Variants in RANBP17 observed in about 807,000 individuals in gnomAD.
RANBP17 encodes ran-binding protein 17.
RANBP17 carries 158 observed loss-of-function variants against 141.2 expected under a neutral mutation model. The ratio of observed to expected loss-of-function variants is 1.12; its 90% confidence interval spans 0.98 to 1.28. RANBP17 has a LOEUF of 1.28. RANBP17 is among the 50% of genes most tolerant of loss of function. The probability of loss-of-function intolerance (pLI) is 0.00; values close to 1 mark genes in which losing one functional copy is unlikely to be tolerated. For synonymous variants in RANBP17, 430 were observed against 450.0 expected, an observed-to-expected ratio of 0.96 and a Z score of 0.56; for missense variants, 1,438 against 1,290.7, an observed-to-expected ratio of 1.11 and a Z score of -1.75.
chr5:170,963,668 G>C (rs1387997528), intron 13 of RANBP17, among the ~76,000 whole-genome samples: 1 of 152,204 alleles, frequency 6.6e-6, no homozygotes, highest in African/African-American at 2.4e-5. Context: ...ACTCCTGTGA[G>C]AATCTAGTGC....
intron 22 of RANBP17, among the ~76,000 whole-genome samples, chr5:171,238,482 A>G (rs1764680058): frequency 6.6e-6 from 1 of 152,170 alleles, no homozygotes. Context: ...TACAGAATAT[A>G]GGACCTTTCC....
intron 24 of RANBP17, among the ~76,000 whole-genome samples, chr5:171,265,302 A>C (rs1023435894): frequency 6.6e-6 from 1 of 152,214 alleles, no homozygotes; most frequent in Non-Finnish European, 1.5e-5. Flanking sequence ...TGGGAGGCCA[A>C]GGCGGGTGAA....
chr5:171,091,983 C>T (rs80338974), intron 14 of RANBP17, among the ~76,000 whole-genome samples: 7,024 of 152,178 alleles, frequency 0.046, 205 homozygotes, highest in East Asian at 0.12. Flanking sequence ...GGAATATGCA[C>T]GGATTTTGGT....
chr5:171,180,398 T>C (rs1018516100), intron 16 of RANBP17, among the ~76,000 whole-genome samples: 3 of 152,230 alleles, frequency 2.0e-5, no homozygotes, highest in African/African-American at 7.2e-5. Context: ...TTAATGTTAC[T>C]CTCAAGACTT....
intron 14 of RANBP17, among the ~76,000 whole-genome samples, chr5:171,103,275 C>T (rs1787302834): frequency 6.6e-6 from 1 of 152,166 alleles, no homozygotes; most frequent in Non-Finnish European, 1.5e-5. Context: ...GGGGCTGCTG[C>T]CCTTCTTTTA....
At chr5:171,036,909 T>C (rs763961310) in intron 14 of RANBP17, among the ~76,000 whole-genome samples, 2 of 152,156 alleles carry the variant, frequency 1.3e-5, no homozygotes, top group Non-Finnish European at 2.9e-5. Context: ...TATGAGTACA[T>C]GTGTTTTTTT....
intron 13 of RANBP17, among the ~76,000 whole-genome samples, chr5:170,960,444 G>C (rs1254868789): frequency 2.6e-5 from 4 of 152,020 alleles, no homozygotes; most frequent in African/African-American, 9.7e-5. Context: ...CCTAACCCTG[G>C]CTCTCTTCAC....
intron 3 of RANBP17, among the ~76,000 whole-genome samples, chr5:170,884,069 A>G (rs1267714214): frequency 2.0e-5 from 3 of 152,222 alleles, no homozygotes; most frequent in Admixed American, 6.5e-5. Context: ...CATTCCCACC[A>G]GCCATGAGTG....
chr5:171,177,349 C>T (rs1006721508), intron 16 of RANBP17, among the ~76,000 whole-genome samples: 3 of 152,104 alleles, frequency 2.0e-5, no homozygotes, highest in African/African-American at 4.8e-5. Flanking sequence ...TTGATCTGAT[C>T]ATTTCTCTTC....
At chr5:171,110,384 A>G (rs1175765486) in intron 14 of RANBP17, among the ~76,000 whole-genome samples, 1 of 152,190 alleles carries the variant, frequency 6.6e-6, no homozygotes, top group Non-Finnish European at 1.5e-5. Flanking sequence ...TCTTCTGAGC[A>G]TAGCCCTTCT....
intron 14 of RANBP17, among the ~76,000 whole-genome samples, chr5:171,061,462 T>C (rs1783843589): frequency 6.6e-6 from 1 of 152,126 alleles, no homozygotes; most frequent in Admixed American, 6.6e-5. Context: ...TTCCATGTAG[T>C]TGAGCGGTTT....
intron 14 of RANBP17, among the ~76,000 whole-genome samples, chr5:170,973,094 C>T (rs576292161): frequency 2.0e-5 from 3 of 152,156 alleles, no homozygotes; most frequent in East Asian, 3.9e-4. Flanking sequence ...TGATAAGTAA[C>T]CACTATGTAT....
intron 14 of RANBP17, among the ~76,000 whole-genome samples, chr5:171,040,946 G>A (rs1782208623): frequency 6.6e-6 from 1 of 152,148 alleles, no homozygotes; most frequent in African/African-American, 2.4e-5. Context: ...TCTCACTTAA[G>A]GTCTTTTATG....
At chr5:171,088,935 G>C (rs1407784557) in intron 14 of RANBP17, among the ~76,000 whole-genome samples, 1 of 151,778 alleles carries the variant, frequency 6.6e-6, no homozygotes, top group East Asian at 1.9e-4. Flanking sequence ...AGAGTAATTT[G>C]ATCGTCTGAA....
At chr5:171,270,858 G>A (rs565907481) in intron 25 of RANBP17, among the ~76,000 whole-genome samples, 14 of 152,000 alleles carry the variant, frequency 9.2e-5, no homozygotes, top group Middle Eastern at 3.4e-3. Flanking sequence ...GAACTATTAC[G>A]CAATTAATTT....
chr5:171,066,816 T>A (rs1006855590), intron 14 of RANBP17, among the ~76,000 whole-genome samples: 15 of 152,112 alleles, frequency 9.9e-5, no homozygotes, highest in Non-Finnish European at 2.1e-4. Context: ...AGATCTTTTT[T>A]AAAAAAAGTT....
chr5:171,009,592 T>C lies in RANBP17; in HGVS notation c.1710+41215T>C, dbSNP rs930444703. Among the ~76,000 whole-genome samples, 13 of 152,348 alleles carry C rather than the reference T, an allele frequency of 8.5e-5. 1 individual carries two copies. The highest frequency in any genetic ancestry group is 7.7e-4 in the East Asian group (4 of 5,182). On this transcript the variant is annotated intron_variant, in intron 14 of 27. Transcript: ENST00000523189. The stretch of plus-strand genomic sequence containing the variant: ...CTAGGTGATCTCCAAGTTCTTTTCT[T>C]ATGATAAAATTTTCTACCTATAGGC...
chr5:170,926,732 G>C (rs1240571615), intron 12 of RANBP17, among the ~76,000 whole-genome samples: 1 of 151,914 alleles, frequency 6.6e-6, no homozygotes, highest in Non-Finnish European at 1.5e-5. Context: ...TTCTGTTCCA[G>C]TGCTATACTC....
intron 14 of RANBP17, among the ~76,000 whole-genome samples, chr5:171,159,600 C>A (rs1759172616): frequency 6.6e-6 from 1 of 152,092 alleles, no homozygotes; most frequent in South Asian, 2.1e-4. Context: ...GTGTTCTGGA[C>A]CCCCGTGTCT....
Sources: allele counts gnomAD v4.1 joint callset (sites outside exome capture counted in the v4.1 genomes callset), GRCh38; gene constraint gnomAD v4.1.1; transcripts MANE v1.5; gene names NCBI Gene and HGNC (gene_info 2026-07-23, HGNC 2026-07-21).